CEP63: variants seen among roughly 807,000 people sequenced by gnomAD.
CEP63 encodes centrosomal protein 63.
CEP63 carries 84 observed loss-of-function variants against 89.1 expected under a neutral mutation model. The observed-to-expected ratio is 0.94, with a 90% CI of 0.79 to 1.13. The LOEUF is 1.13. CEP63 is among the 50% of genes most tolerant of loss of function. The pLI is 0.00. For synonymous variants in CEP63, 267 were observed against 272.5 expected, an observed-to-expected ratio of 0.98 and a Z score of 0.20; for missense variants, 838 against 813.3, an observed-to-expected ratio of 1.03 and a Z score of -0.37.
intron 10 of CEP63, among the ~76,000 whole-genome samples, chr3:134,585,715 G>C (rs1445696715): frequency 6.6e-6 from 1 of 152,112 alleles, no homozygotes; most frequent in Admixed American, 6.5e-5. Context: ...GGTCTGCTTG[G>C]TGCAGAGCTG....
At chr3:134,602,287 C>T in the CEP63 span, among the ~76,000 whole-genome samples, 4 of 152,124 alleles carry the variant, frequency 2.6e-5, no homozygotes, top group African/African-American at 9.7e-5. Context: ...GCCTTTCCTC[C>T]GTTGCCATGG....
At chr3:134,577,239 A>G (rs897688107), downstream of CEP63, among the ~76,000 whole-genome samples, 1 of 106,834 alleles carries the variant, frequency 9.4e-6, no homozygotes, top group Non-Finnish European at 2.1e-5. Flanking sequence ...AACCAAAGCC[A>G]AAAAACTTCT....
the CEP63 span, among the ~76,000 whole-genome samples, chr3:134,725,113 G>T: frequency 6.6e-6 from 1 of 151,952 alleles, no homozygotes; most frequent in Non-Finnish European, 1.5e-5. Flanking sequence ...CATTATAGAG[G>T]CATGTCAGGC....
upstream of CEP63, chr3:134,485,991 G>GCCGCCC: frequency 2.1e-6 from 2 of 938,166 alleles, no homozygotes; most frequent in African/African-American, 1.9e-5. Flanking sequence ...CTCCTGCCAC[G>GCCGCCC]CCCCCCCCCC....
the CEP63 span, among the ~76,000 whole-genome samples, chr3:134,727,257 TTC>T: frequency 6.6e-6 from 1 of 152,220 alleles, no homozygotes; most frequent in Non-Finnish European, 1.5e-5. Context: ...AGGAGAATTT[TTC>T]TCTCTCAATG....
At chr3:134,709,839 T>C in the CEP63 span, among the ~76,000 whole-genome samples, 1 of 152,170 alleles carries the variant, frequency 6.6e-6, no homozygotes, top group Non-Finnish European at 1.5e-5. Context: ...GTAAGATATT[T>C]AGAGTGCACC....
chr3:134,583,075 A>G (rs1386542687), intron 10 of CEP63, among the ~76,000 whole-genome samples: 1 of 152,184 alleles, frequency 6.6e-6, no homozygotes, highest in Non-Finnish European at 1.5e-5. Flanking sequence ...GATTCTGGAT[A>G]TTAGCCCTTT....
chr3:134,567,299 T>C (rs547278782), downstream of CEP63, among the ~76,000 whole-genome samples: 3 of 151,942 alleles, frequency 2.0e-5, no homozygotes, highest in Admixed American at 1.3e-4. Context: ...GATAGGAGGA[T>C]TGGGAGGTGA....
chr3:134,570,180 C>A (rs953221272), intron 11 of CEP63, among the ~76,000 whole-genome samples: 3 of 152,190 alleles, frequency 2.0e-5, no homozygotes, highest in African/African-American at 7.2e-5. Flanking sequence ...GATATTTTCC[C>A]CATTGTCTTG....
the CEP63 span, among the ~76,000 whole-genome samples, chr3:134,776,471 C>T: frequency 6.6e-6 from 1 of 152,070 alleles, no homozygotes; most frequent in Non-Finnish European, 1.5e-5. Context: ...TCAATTTGGA[C>T]CCGCTACATA....
chr3:134,534,434 A>C (rs1391057458), intron 5 of CEP63, among the ~76,000 whole-genome samples: 1 of 152,148 alleles, frequency 6.6e-6, no homozygotes, highest in Admixed American at 6.5e-5. Context: ...AACTCTCTCT[A>C]GTCCTTTGAC....
the CEP63 span, among the ~76,000 whole-genome samples, chr3:134,624,071 C>T: frequency 2.6e-5 from 4 of 152,232 alleles, no homozygotes; most frequent in East Asian, 3.9e-4. Context: ...CCTCATATCC[C>T]AAACACACTC....
At position 134,486,094 on chromosome 3, in the gene CEP63, C is replaced by T; in HGVS notation, c.-134C>T. On this transcript the variant is annotated 5_prime_UTR_variant, in exon 1 of 15. Coordinates refer to ENST00000675561, the MANE Select transcript of CEP63 (RefSeq NM_001353108.3). ...GCGTGCAGGGGAAGTCTGGAGAAGG[C>T]ATTGTTTCAATTATTAAAAGTGTGG... is the stretch of plus-strand genomic sequence containing the variant. 5 of 985,296 alleles carry T rather than the reference C, an allele frequency of 5.1e-6. No homozygotes were observed. In the South Asian group the frequency reaches 1.9e-4, roughly 37 times the overall value. The allele number at this position is 985,296 out of a possible 1,614,324, so 61.0% of individuals were successfully genotyped here.
chr3:134,571,079 T>G (rs534704937), intron 11 of CEP63, among the ~76,000 whole-genome samples: 2 of 152,374 alleles, frequency 1.3e-5, no homozygotes, highest in South Asian at 4.1e-4. Flanking sequence ...ACGTGGGAAT[T>G]TAAGATGAGA....
chr3:134,612,708 A>G, the CEP63 span, among the ~76,000 whole-genome samples: 2 of 150,614 alleles, frequency 1.3e-5, no homozygotes, highest in Admixed American at 6.6e-5. Flanking sequence ...TGAACTGACA[A>G]CAGCATGTCA....
the CEP63 span, among the ~76,000 whole-genome samples, chr3:134,707,331 G>A: frequency 6.6e-6 from 1 of 152,190 alleles, no homozygotes; most frequent in Non-Finnish European, 1.5e-5. Context: ...CCAGCCCAGT[G>A]CAGATAAATA....
the CEP63 span, chr3:134,603,118 T>A: frequency 1.3e-5 from 2 of 154,054 alleles, no homozygotes; most frequent in African/African-American, 4.8e-5. Flanking sequence ...ACGGTGATAT[T>A]GCTTGAAAGG....
At chr3:134,629,727 C>A in the CEP63 span, 3 of 1,406,768 alleles carry the variant, frequency 2.1e-6, no homozygotes, top group Middle Eastern at 1.7e-4. Context: ...CATTCTCAAC[C>A]AGATGCTGCC....
At chr3:134,547,634 C>T (rs558972823) in intron 9 of CEP63, among the ~76,000 whole-genome samples, 162 bp downstream of exon 9, 778 of 20,554 alleles carry the variant, frequency 0.038, 16 homozygotes, top group African/African-American at 0.088. Flanking sequence ...TTTTTTGAGA[C>T]GGAGTCCGCT....
Sources: gnomAD v4.1 joint callset for allele counts (sites outside exome capture counted in the v4.1 genomes callset) on GRCh38, gnomAD v4.1.1 for gene constraint, MANE v1.5 for transcripts, NCBI Gene and HGNC (gene_info 2026-07-23, HGNC 2026-07-21) for gene names.